SFMBT2: variants seen among roughly 807,000 people sequenced by gnomAD.
SFMBT2 encodes scm-like with four MBT domains protein 2.
SFMBT2 carries 38 observed loss-of-function variants against 110.1 expected under a neutral mutation model. The observed-to-expected ratio is 0.35, with a 90% CI of 0.27 to 0.45. The LOEUF is 0.45. Among genes scored for constraint, SFMBT2 ranks in the 20% least tolerant of loss-of-function variants. The pLI is 1.00. For synonymous variants in SFMBT2, 425 were observed against 425.4 expected, an observed-to-expected ratio of 1.00 and a Z score of 0.01; for missense variants, 1,011 against 1,094.9, an observed-to-expected ratio of 0.92 and a Z score of 1.08.
intron 7 of SFMBT2, chr10:7,264,039 T>C (rs899188163): frequency 2.5e-5 from 6 of 244,076 alleles, no homozygotes; most frequent in Non-Finnish European, 4.0e-5. Context: ...ATGTGGAATC[T>C]TCAGTGCTAT....
intron 7 of SFMBT2, among the ~76,000 whole-genome samples, chr10:7,251,166 A>G (rs905397088): frequency 1.1e-5 from 1 of 91,020 alleles, no homozygotes; most frequent in African/African-American, 3.0e-5. Context: ...AAAAAATTAA[A>G]CATTAAAAAA....
intron 4 of SFMBT2, among the ~76,000 whole-genome samples, chr10:7,329,316 T>C (rs1259097099): frequency 1.3e-5 from 2 of 152,236 alleles, no homozygotes; most frequent in Non-Finnish European, 2.9e-5. Flanking sequence ...AGAGCCTCTG[T>C]TCTGGCTCTA....
In SFMBT2 at chr10:7,197,528, T is replaced by A. The variant is rs750705363; in HGVS notation, c.1698+20A>T. 1 of 1,608,298 alleles carries A rather than the reference T, an allele frequency of 6.2e-7. No homozygotes were observed. Among genetic ancestry groups the A allele is most frequent in the South Asian group, 1.1e-5 (1 of 90,660 alleles). On this transcript the variant is annotated intron_variant, in intron 15 of 20. Transcript: ENST00000397167. ...AAAATCCTGTTAAAATAAGCCAAGG[T>A]GATTGTGCACGGGCTTTACCTCTTT...
At chr10:7,376,585 G>C (rs1845214962) in intron 2 of SFMBT2, among the ~76,000 whole-genome samples, 1 of 150,230 alleles carries the variant, frequency 6.7e-6, no homozygotes. Context: ...TGTAATCCCA[G>C]CTACTGCGGA....
chr10:7,297,559 G>T lies in SFMBT2; in HGVS notation c.437-11605C>A, dbSNP rs1842437318. Among the ~76,000 whole-genome samples the T allele has an allele frequency of 2.6e-5, 4 of 152,266 alleles. No homozygotes were observed. In the South Asian group the frequency reaches 8.3e-4, roughly 32 times the overall value. ...CGAATGGGAGGGGGAGGAGAAGCAG[G>T]AGGAGGATGAGGAGGCCATCACGGG... On this transcript the variant is annotated intron_variant, in intron 4 of 20. Transcript: ENST00000397167.
At chr10:7,389,884 C>T (rs1431857046) in intron 1 of SFMBT2, among the ~76,000 whole-genome samples, 2 of 152,106 alleles carry the variant, frequency 1.3e-5, no homozygotes, top group African/African-American at 4.8e-5. Flanking sequence ...AAGCATCCTC[C>T]CCTCTCAACC....
chr10:7,270,876 G>A (rs915799313), intron 7 of SFMBT2, among the ~76,000 whole-genome samples: 1 of 149,846 alleles, frequency 6.7e-6, no homozygotes, highest in Non-Finnish European at 1.5e-5. Context: ...TAATGAATTA[G>A]TTAATTTTTA....
At chr10:7,249,028 C>T (rs184088223) in intron 7 of SFMBT2, 10 of 821,464 alleles carry the variant, frequency 1.2e-5, no homozygotes, top group Non-Finnish European at 1.0e-5. Flanking sequence ...ACTGGAGTCA[C>T]ATCTCAGGGC....
At chr10:7,366,083 A>AGT (rs1344068317) in intron 4 of SFMBT2, among the ~76,000 whole-genome samples, 2 of 152,194 alleles carry the variant, frequency 1.3e-5, no homozygotes, top group African/African-American at 4.8e-5. Flanking sequence ...GAGCACAGAC[A>AGT]GTGTCAACCT....
chr10:7,168,563 G>A (rs550516013), intron 20 of SFMBT2, among the ~76,000 whole-genome samples: 2 of 152,298 alleles, frequency 1.3e-5, no homozygotes, highest in South Asian at 2.1e-4. Flanking sequence ...CCAAACCTGC[G>A]TGATCAGCGC....
intron 11 of SFMBT2, among the ~76,000 whole-genome samples, chr10:7,213,471 G>A (rs1179317140): frequency 6.6e-6 from 1 of 152,130 alleles, no homozygotes; most frequent in African/African-American, 2.4e-5. Flanking sequence ...TTGTGGGGGT[G>A]GTGGTGGGAG....
intron 4 of SFMBT2, among the ~76,000 whole-genome samples, chr10:7,350,409 C>T (rs945597009): frequency 6.6e-6 from 1 of 152,122 alleles, no homozygotes; most frequent in Non-Finnish European, 1.5e-5. Context: ...GGTGTGACCC[C>T]ACCCAGCCAC....
At chr10:7,348,419 ACTGTGT>A in intron 4 of SFMBT2, 1 of 1,159,808 alleles carries the variant, frequency 8.6e-7, no homozygotes, top group Non-Finnish European at 1.1e-6. Context: ...CTTCATAACT[ACTGTGT>A]AAATATGTCA....
rs563773063 is a variant in SFMBT2, at chr10:7,338,814, A to C, written c.436+28835T>G. 2.0e-5 allele frequency among the ~76,000 whole-genome samples: 3 copies of C among 152,302 alleles called. No homozygotes were observed. The East Asian group carries it at 5.8e-4, about 29-fold the overall frequency. On this transcript the variant is annotated intron_variant, in intron 4 of 20. Transcript: ENST00000397167. Reference sequence around the variant, plus strand: ...TTCCCCAGCGGACACATCCTCCCTAAGTCAGTCCTGCATGCAGTCTGCACT... The same window carrying C: ...TTCCCCAGCGGACACATCCTCCCTACGTCAGTCCTGCATGCAGTCTGCACT...
chr10:7,333,869 C>A (rs1843637143), intron 4 of SFMBT2, among the ~76,000 whole-genome samples: 1 of 151,966 alleles, frequency 6.6e-6, no homozygotes, highest in South Asian at 2.1e-4. Flanking sequence ...AAGGCTCACA[C>A]TAGGAAGCGC....
rs137900314 is a variant in SFMBT2, at chr10:7,202,624, A to G, written c.1445-102T>C. On this transcript the variant is annotated intron_variant, in intron 12 of 20. Coordinates refer to ENST00000397167, the MANE Select transcript of SFMBT2 (RefSeq NM_001387889.1). Reference sequence around the variant, plus strand: ...AGCAAAGAGGTACCCATTTTAAAGTAGCAATTTAAATGCTGAAAAGTTACG... The same window carrying G: ...AGCAAAGAGGTACCCATTTTAAAGTGGCAATTTAAATGCTGAAAAGTTACG... 3.5e-4 allele frequency: 555 copies of G among 1,585,696 alleles called. 2 individuals carry two copies. The East Asian group carries it at 0.011, about 32-fold the overall frequency.
At chr10:7,236,763 T>C (rs1392294544) in intron 9 of SFMBT2, among the ~76,000 whole-genome samples, 3 of 152,118 alleles carry the variant, frequency 2.0e-5, no homozygotes, top group Non-Finnish European at 4.4e-5. Context: ...CAGGGAAAGA[T>C]GGCTGTTTGA....
intron 16 of SFMBT2, among the ~76,000 whole-genome samples, chr10:7,177,693 C>T (rs1438225189): frequency 1.3e-5 from 2 of 151,890 alleles, no homozygotes; most frequent in Non-Finnish European, 2.9e-5. Flanking sequence ...AGCGAGACCC[C>T]CATCTCTACA....
intron 1 of SFMBT2, among the ~76,000 whole-genome samples, chr10:7,396,117 T>C (rs1845919487): frequency 6.6e-6 from 1 of 152,146 alleles, no homozygotes; most frequent in African/African-American, 2.4e-5. Context: ...CACCTGTAAT[T>C]CCAGCTACTA....
Sources: gnomAD v4.1 joint callset for allele counts (sites outside exome capture counted in the v4.1 genomes callset) on GRCh38, gnomAD v4.1.1 for gene constraint, MANE v1.5 for transcripts, NCBI Gene and HGNC (gene_info 2026-07-23, HGNC 2026-07-21) for gene names.